DCC: variants seen among roughly 807,000 people sequenced by gnomAD.
DCC encodes the protein DCC netrin 1 receptor.
In DCC, 58 loss-of-function variants were observed where a neutral mutation model predicts 172.5. The ratio of observed to expected loss-of-function variants is 0.34; its 90% confidence interval spans 0.27 to 0.42. DCC has a LOEUF of 0.42. Ranked by LOEUF, DCC falls within the 10% of genes least tolerant of loss-of-function variation. The probability of loss-of-function intolerance (pLI) is 1.00; values close to 1 mark genes in which losing one functional copy is unlikely to be tolerated. For synonymous variants in DCC, 709 were observed against 644.5 expected (o/e 1.10, Z -1.52); for missense variants, 1,740 against 1,791.0 (o/e 0.97, Z 0.51).
At chr18:53,522,822 A>C (rs2046414676) in intron 27 of DCC, among the ~76,000 whole-genome samples, 1 of 152,160 alleles carries the variant, frequency 6.6e-6, no homozygotes, top group South Asian at 2.1e-4. Context: ...CTGGAAGAAA[A>C]CCTAGGCAAT....
At chr18:52,459,912 T>C (rs980743087) in intron 1 of DCC, among the ~76,000 whole-genome samples, 5 of 151,710 alleles carry the variant, frequency 3.3e-5, no homozygotes, top group African/African-American at 1.2e-4. Flanking sequence ...CACATATATA[T>C]ACACACATAT....
chr18:52,711,389 G>A lies in DCC; in HGVS notation c.92-40665G>A, dbSNP rs143625091. On this transcript the variant is annotated intron_variant, in intron 1 of 28. Transcript: ENST00000442544. ...ATTACAGGCATCCACCACCAACCCC[G>A]GCTAATGAGGCCTTGTCTATTTCAC... 3.0e-3 allele frequency among the ~76,000 whole-genome samples: 460 copies of A among 152,180 alleles called. 3 individuals carry two copies. Among genetic ancestry groups the A allele is most frequent in the African/African-American group, 9.7e-3 (404 of 41,508 alleles).
intron 6 of DCC, 87 bp downstream of exon 6, chr18:53,063,546 AG>A (rs2144081482): frequency 3.4e-6 from 4 of 1,175,778 alleles, no homozygotes; most frequent in East Asian, 4.9e-5. Context: ...AAAAAAAAAA[AG>A]GTTCCTGTTG....
intron 2 of DCC, among the ~76,000 whole-genome samples, chr18:52,848,598 G>T (rs973942833): frequency 1.3e-5 from 2 of 151,860 alleles, no homozygotes; most frequent in Non-Finnish European, 2.9e-5. Context: ...TAATGGCTTT[G>T]GAGTTTCGCA....
intron 11 of DCC, among the ~76,000 whole-genome samples, chr18:53,212,210 C>T (rs1208937591): frequency 6.6e-6 from 1 of 152,154 alleles, no homozygotes; most frequent in African/African-American, 2.4e-5. Context: ...TTCAAGCCAA[C>T]ATCCTTCTCC....
chr18:53,101,836 T>TGTGTGC (rs66685904), intron 7 of DCC, among the ~76,000 whole-genome samples: 5 of 150,992 alleles, frequency 3.3e-5, no homozygotes, highest in Non-Finnish European at 5.9e-5. Flanking sequence ...TATTTGTGTG[T>TGTGTGC]GTGTGCGTGT....
chr18:52,603,625 CAG>C lies in DCC; in HGVS notation c.92-148428_92-148427del, dbSNP rs1396832701. Among the ~76,000 whole-genome samples, 6 of 147,416 alleles carry C rather than the reference CAG, an allele frequency of 4.1e-5. No individual in the cohort carries two copies. In the South Asian group the frequency reaches 1.1e-3, roughly 26 times the overall value. ...ACACACACACACACACACACACACA[CAG>C]TTTATTCTCTTAAAACAAAAATTGA... On this transcript the variant is annotated intron_variant, in intron 1 of 28. Coordinates refer to ENST00000442544, the MANE Select transcript of DCC (RefSeq NM_005215.4).
At chr18:53,365,278 A>G (rs2057992602) in intron 15 of DCC, among the ~76,000 whole-genome samples, 1 of 151,840 alleles carries the variant, frequency 6.6e-6, no homozygotes, top group African/African-American at 2.4e-5. Context: ...GCTGCATAGT[A>G]TTCCATGGTG....
At chr18:53,440,292 T>A (rs1221578082) in intron 22 of DCC, among the ~76,000 whole-genome samples, 1 of 152,204 alleles carries the variant, frequency 6.6e-6, no homozygotes, top group African/African-American at 2.4e-5. Flanking sequence ...GTAACAAGTT[T>A]GATTAAAAGA....
chr18:52,923,627 T>C (rs1230754280), intron 3 of DCC, 80 bp from the exon 4 acceptor site: 1 of 1,152,654 alleles, frequency 8.7e-7, no homozygotes, highest in East Asian at 2.4e-5. Flanking sequence ...CCATCTTTTG[T>C]TAGGAAAAAA....
intron 12 of DCC, among the ~76,000 whole-genome samples, chr18:53,282,118 T>G (rs1457076214): frequency 6.6e-6 from 1 of 152,202 alleles, no homozygotes; most frequent in Admixed American, 6.6e-5. Flanking sequence ...CATATGTAAT[T>G]CACATGAGGA....
At chr18:53,127,934 A>G (rs1167813778) in intron 7 of DCC, among the ~76,000 whole-genome samples, 1 of 152,188 alleles carries the variant, frequency 6.6e-6, no homozygotes, top group African/African-American at 2.4e-5. Context: ...ATTCTGAAGT[A>G]TCAAAATGTC....
At chr18:52,644,809 AAGGGAGGGAGGGAGGGAGGG>A (rs779171722) in intron 1 of DCC, among the ~76,000 whole-genome samples, 3 of 104,052 alleles carry the variant, frequency 2.9e-5, no homozygotes, top group African/African-American at 1.1e-4. Context: ...GGAAGGAAGG[AAGGGAGGGAGGGAGGGAGGG>A]AGGGAGGGAA....
chr18:52,421,896 G>A (rs938890501), intron 1 of DCC, among the ~76,000 whole-genome samples: 2 of 152,208 alleles, frequency 1.3e-5, no homozygotes, highest in South Asian at 2.1e-4. Context: ...CTGCCTTTAT[G>A]CAAACTTCTA....
At chr18:53,382,250 C>G (rs1907820819) in intron 15 of DCC, among the ~76,000 whole-genome samples, 1 of 151,886 alleles carries the variant, frequency 6.6e-6, no homozygotes, top group South Asian at 2.1e-4. Flanking sequence ...ATGGCTCAAG[C>G]CTAATAAAAA....
intron 1 of DCC, among the ~76,000 whole-genome samples, chr18:52,401,020 C>T (rs1005782371): frequency 3.3e-5 from 5 of 152,014 alleles, no homozygotes; most frequent in Non-Finnish European, 7.4e-5. Flanking sequence ...TGCAACAAAC[C>T]ACCATAGCAT....
chr18:52,804,080 G>T (rs1326256838), intron 2 of DCC, among the ~76,000 whole-genome samples: 1 of 152,090 alleles, frequency 6.6e-6, no homozygotes. Flanking sequence ...CCTGGCCCCT[G>T]TACAATGTGT....
At chr18:52,941,467 AACAT>A (rs1301715557) in intron 5 of DCC, among the ~76,000 whole-genome samples, 1 of 147,154 alleles carries the variant, frequency 6.8e-6, no homozygotes, top group Non-Finnish European at 1.5e-5. Context: ...AATATTCTTT[AACAT>A]ACATATATAC....
intron 1 of DCC, among the ~76,000 whole-genome samples, chr18:52,392,459 G>A (rs1986065302): frequency 6.6e-6 from 1 of 152,104 alleles, no homozygotes; most frequent in Admixed American, 6.6e-5. Flanking sequence ...TCTTCTAATG[G>A]CAGTTACCGA....
Sources: gnomAD v4.1 joint callset for allele counts (sites outside exome capture counted in the v4.1 genomes callset) on GRCh38, gnomAD v4.1.1 for gene constraint, MANE v1.5 for transcripts, NCBI Gene and HGNC (gene_info 2026-07-23, HGNC 2026-07-21) for gene names.